The following TRDN variants were observed in gnomAD, a reference collection of about 807,000 sequenced individuals.
The protein encoded by TRDN is triadin.
A neutral mutation model predicts 149.7 loss-of-function variants in TRDN; 161 were observed. That is an observed-to-expected ratio of 1.08 (90% CI 0.95 to 1.23). TRDN has a LOEUF of 1.23. Ranked by LOEUF, TRDN falls within the 50% of genes most tolerant of loss-of-function variation. The probability of loss-of-function intolerance (pLI) is 0.00; values close to 1 mark genes in which losing one functional copy is unlikely to be tolerated. For synonymous variants in TRDN, 294 were observed against 250.5 expected (o/e 1.17, Z -1.64); for missense variants, 896 against 823.5 (o/e 1.09, Z -1.08).
chr6:123,417,214 A>G (rs1773693423), intron 12 of TRDN, among the ~76,000 whole-genome samples: 1 of 152,138 alleles, frequency 6.6e-6, no homozygotes, highest in Non-Finnish European at 1.5e-5. Flanking sequence ...TTATGTTATG[A>G]TCTCTCCAAA....
At chr6:123,355,077 C>T (rs1264543105) in intron 20 of TRDN, among the ~76,000 whole-genome samples, 2 of 151,738 alleles carry the variant, frequency 1.3e-5, no homozygotes, top group East Asian at 3.9e-4. Flanking sequence ...TAGATAACCT[C>T]TTCTGTGGAG....
intron 33 of TRDN, 78 bp downstream of exon 33, chr6:123,265,240 T>G (rs1050032505): frequency 4.5e-6 from 5 of 1,099,300 alleles, no homozygotes; most frequent in Non-Finnish European, 6.3e-6. Context: ...CTATTTAACT[T>G]CAGTTATAAC....
At chr6:123,540,736 C>T (rs1259959281) in intron 4 of TRDN, among the ~76,000 whole-genome samples, 2 of 152,118 alleles carry the variant, frequency 1.3e-5, no homozygotes, top group Non-Finnish European at 2.9e-5. Flanking sequence ...GCCAGGATGG[C>T]CTCCATTTCC....
At chr6:123,450,829 A>G (rs1278263659) in intron 10 of TRDN, among the ~76,000 whole-genome samples, 1 of 152,178 alleles carries the variant, frequency 6.6e-6, no homozygotes, top group African/African-American at 2.4e-5. Context: ...AACTTTCTCC[A>G]AGATAGATCA....
At chr6:123,384,199 T>C (rs560788824) in intron 14 of TRDN, among the ~76,000 whole-genome samples, 1 of 152,170 alleles carries the variant, frequency 6.6e-6, no homozygotes, top group Non-Finnish European at 1.5e-5. Flanking sequence ...AGTTTTATAT[T>C]AACAATATGC....
At chr6:123,376,937 G>A (rs1781532408) in intron 18 of TRDN, among the ~76,000 whole-genome samples, 1 of 152,118 alleles carries the variant, frequency 6.6e-6, no homozygotes, top group Admixed American at 6.6e-5. Flanking sequence ...TTCAGTAGGA[G>A]TTAGCCAGGC....
intron 13 of TRDN, among the ~76,000 whole-genome samples, chr6:123,392,053 A>C (rs1772501025): frequency 1.3e-5 from 2 of 152,090 alleles, no homozygotes; most frequent in Non-Finnish European, 2.9e-5. Flanking sequence ...TAGTAAACGC[A>C]TACACAGAAT....
chr6:123,467,236 G>A (rs1333494414), intron 9 of TRDN, among the ~76,000 whole-genome samples: 1 of 151,434 alleles, frequency 6.6e-6, no homozygotes, highest in East Asian at 2.0e-4. Flanking sequence ...AAAGAGAGTA[G>A]GTTAACAGCC....
chr6:123,347,188 G>C (rs570380852), intron 21 of TRDN, among the ~76,000 whole-genome samples: 1 of 151,984 alleles, frequency 6.6e-6, no homozygotes, highest in Non-Finnish European at 1.5e-5. Context: ...AGCCAAACTT[G>C]TTCCTGCCAT....
chr6:123,264,118 C>A (rs1320996948), intron 33 of TRDN, among the ~76,000 whole-genome samples: 2 of 151,984 alleles, frequency 1.3e-5, no homozygotes, highest in African/African-American at 4.8e-5. Flanking sequence ...ACATTCAAGT[C>A]TTATTACTTA....
chr6:123,351,805 A>C, intron 21 of TRDN: 4 of 911,720 alleles, frequency 4.4e-6, no homozygotes, highest in Non-Finnish European at 5.2e-6. Flanking sequence ...CAATAAATAT[A>C]GTATTATTAT....
intron 24 of TRDN, among the ~76,000 whole-genome samples, chr6:123,283,263 A>G (rs1204688364): frequency 6.6e-6 from 1 of 151,938 alleles, no homozygotes; most frequent in Admixed American, 6.6e-5. Flanking sequence ...AATTCTTTGA[A>G]CTCAATGATA....
intron 4 of TRDN, among the ~76,000 whole-genome samples, chr6:123,544,424 A>G (rs558863500): frequency 6.6e-6 from 1 of 152,164 alleles, no homozygotes; most frequent in African/African-American, 2.4e-5. Flanking sequence ...GCATGCTCTC[A>G]AGCAGATCAA....
At chr6:123,604,354 T>A (rs1179892111) in intron 1 of TRDN, among the ~76,000 whole-genome samples, 1 of 152,226 alleles carries the variant, frequency 6.6e-6, no homozygotes, top group Non-Finnish European at 1.5e-5. Context: ...CTATTCACAT[T>A]GCCGGAGGCA....
At chr6:123,261,944 G>A (rs774944881) in intron 33 of TRDN, among the ~76,000 whole-genome samples, 68 of 151,826 alleles carry the variant, frequency 4.5e-4, no homozygotes, top group Admixed American at 1.1e-3. Context: ...CATTATTAAC[G>A]AATCTGTCAT....
At chr6:123,255,401 CAA>C (rs1214207313) in intron 36 of TRDN, among the ~76,000 whole-genome samples, 2 of 152,020 alleles carry the variant, frequency 1.3e-5, no homozygotes, top group Middle Eastern at 3.4e-3. Flanking sequence ...TGGAGATAAA[CAA>C]AAAAGAGTTA....
intron 9 of TRDN, among the ~76,000 whole-genome samples, chr6:123,478,939 G>A (rs1777621970): frequency 6.6e-6 from 1 of 151,896 alleles, no homozygotes; most frequent in African/African-American, 2.4e-5. Flanking sequence ...AAGTTTGTTT[G>A]TTTTTTTAAA....
chr6:123,250,933 A>G (rs1011070427), intron 38 of TRDN, among the ~76,000 whole-genome samples: 1 of 152,046 alleles, frequency 6.6e-6, no homozygotes, highest in East Asian at 1.9e-4. Flanking sequence ...ACTTCAACCA[A>G]TACTTCTGAT....
intron 24 of TRDN, among the ~76,000 whole-genome samples, chr6:123,304,818 T>G: frequency 6.6e-6 from 1 of 152,298 alleles, no homozygotes; most frequent in Admixed American, 6.5e-5. Flanking sequence ...TATATAACAT[T>G]AAATAACTGA....
Sources: allele counts gnomAD v4.1 joint callset (sites outside exome capture counted in the v4.1 genomes callset), GRCh38; gene constraint gnomAD v4.1.1; transcripts MANE v1.5; gene names NCBI Gene and HGNC (gene_info 2026-07-23, HGNC 2026-07-21).